ERC1: variants seen among roughly 807,000 people sequenced by gnomAD.
ERC1 encodes ELKS/RAB6-interacting/CAST family member 1.
In ERC1, 56 loss-of-function variants were observed where a neutral mutation model predicts 132.0. That is an observed-to-expected ratio of 0.42 (90% CI 0.34 to 0.53). The LOEUF is 0.53. Ranked by LOEUF, ERC1 falls within the 20% of genes least tolerant of loss-of-function variation. The probability of loss-of-function intolerance (pLI) is 0.03; values close to 1 mark genes in which losing one functional copy is unlikely to be tolerated. For missense variants in ERC1, 1,202 were observed against 1,349.9 expected, an observed-to-expected ratio of 0.89 and a Z score of 1.72; for synonymous variants, 478 against 476.1, an observed-to-expected ratio of 1.00 and a Z score of -0.05.
At chr12:1,279,243 T>C (rs549247364) in intron 14 of ERC1, among the ~76,000 whole-genome samples, 68 of 152,306 alleles carry the variant, frequency 4.5e-4, no homozygotes, top group Middle Eastern at 3.4e-3. Context: ...ATGGGGTCAG[T>C]AGATAACTAC....
chr12:1,426,267 G>A (rs751643609), intron 17 of ERC1, among the ~76,000 whole-genome samples: 54 of 151,870 alleles, frequency 3.6e-4, no homozygotes, highest in Non-Finnish European at 3.7e-4. Context: ...CACCACACCC[G>A]TCTAGTTTTG....
At chr12:1,473,095 A>C (rs982914032) in intron 18 of ERC1, among the ~76,000 whole-genome samples, 3 of 152,148 alleles carry the variant, frequency 2.0e-5, no homozygotes, top group African/African-American at 7.2e-5. Context: ...GTGCGATCTC[A>C]GCTCACTGCA....
chr12:1,048,289 A>G (rs1306545194), intron 2 of ERC1, among the ~76,000 whole-genome samples: 2 of 152,010 alleles, frequency 1.3e-5, no homozygotes, highest in African/African-American at 4.8e-5. Context: ...TAATTTTGAA[A>G]CCTATCGTTC....
chr12:1,025,612 C>G (rs1966850477), intron 1 of ERC1, among the ~76,000 whole-genome samples: 1 of 152,016 alleles, frequency 6.6e-6, no homozygotes, highest in Admixed American at 6.6e-5. Context: ...AAATTTATAT[C>G]TTTAATGTAT....
intron 18 of ERC1, among the ~76,000 whole-genome samples, chr12:1,451,792 A>G (rs559787776): frequency 6.6e-6 from 1 of 152,072 alleles, no homozygotes; most frequent in Non-Finnish European, 1.5e-5. Context: ...CAAAATTCCT[A>G]TGTTGAAGTC....
Position 1,490,249 on chromosome 12 carries a change from C to G in ERC1, c.*19C>G, listed in dbSNP as rs761224968. The G allele has an allele frequency of 5.6e-6, 9 of 1,610,498 alleles. No homozygotes were observed. The highest frequency in any genetic ancestry group is 1.3e-5 in the African/African-American group (1 of 74,842). On this transcript the variant is annotated 3_prime_UTR_variant, in exon 19 of 19. Coordinates refer to ENST00000360905, the MANE Select transcript of ERC1 (RefSeq NM_178040.4). ...CTCTTGACCCTGCTTTATGGGGAAGCCTGAGGTAGTCAACCCAGGAGCCAA... is the reference window on the plus strand; with the variant it reads ...CTCTTGACCCTGCTTTATGGGGAAGGCTGAGGTAGTCAACCCAGGAGCCAA...
At chr12:1,073,517 C>T (rs143905130) in intron 2 of ERC1, among the ~76,000 whole-genome samples, 3 of 146,802 alleles carry the variant, frequency 2.0e-5, no homozygotes, top group Non-Finnish European at 3.0e-5. Context: ...GGGGTGGTGG[C>T]GTACACCTGT....
At chr12:1,235,774 A>T (rs2075372722) in intron 12 of ERC1, among the ~76,000 whole-genome samples, 1 of 152,196 alleles carries the variant, frequency 6.6e-6, no homozygotes, top group Non-Finnish European at 1.5e-5. Flanking sequence ...AAATAAAATA[A>T]AATAAGGTGT....
chr12:1,383,456 T>C (rs1457438524), intron 16 of ERC1, among the ~76,000 whole-genome samples: 2 of 152,224 alleles, frequency 1.3e-5, no homozygotes, highest in Non-Finnish European at 2.9e-5. Flanking sequence ...TTTGAACTAA[T>C]GTAGATACTC....
At chr12:1,422,000 T>C (rs553449638) in intron 17 of ERC1, among the ~76,000 whole-genome samples, 1 of 152,350 alleles carries the variant, frequency 6.6e-6, no homozygotes, top group East Asian at 1.9e-4. Context: ...CACTCCAGCC[T>C]GGCAAAATAA....
At chr12:1,111,359 G>T (rs1483764017) in intron 5 of ERC1, among the ~76,000 whole-genome samples, 2 of 152,170 alleles carry the variant, frequency 1.3e-5, no homozygotes, top group Non-Finnish European at 2.9e-5. Flanking sequence ...GTTTAAGCCA[G>T]AAAATAAGTG....
At chr12:1,110,040 C>CA (rs372936716) in intron 4 of ERC1, 152 bp from the exon 5 acceptor site, 3 of 638,022 alleles carry the variant, frequency 4.7e-6, no homozygotes, top group Admixed American at 3.4e-5. Context: ...GACTCTGTCT[C>CA]AAAAAAAGGA....
intron 4 of ERC1, among the ~76,000 whole-genome samples, chr12:1,109,157 T>C (rs1945575069): frequency 6.6e-6 from 1 of 152,142 alleles, no homozygotes; most frequent in Admixed American, 6.5e-5. Context: ...ATTCATGACA[T>C]GTAAAGTAGC....
intron 1 of ERC1, among the ~76,000 whole-genome samples, chr12:1,011,064 C>T (rs528486798): frequency 6.6e-6 from 1 of 152,064 alleles, no homozygotes; most frequent in Admixed American, 6.6e-5. Flanking sequence ...TTTATATGTG[C>T]CAACTGCATT....
rs563989654 is a variant in ERC1 at position 1,427,872 on chromosome 12, A to T, written c.3025-16690A>T. Among the ~76,000 whole-genome samples the T allele has an allele frequency of 3.3e-5, 5 of 152,338 alleles. No homozygotes were observed. In the South Asian group the frequency reaches 6.2e-4, roughly 19 times the overall value. On this transcript the variant is annotated intron_variant, in intron 17 of 18. Transcript: ENST00000360905. The stretch of plus-strand genomic sequence containing the variant: ...GGTGACATTGAGGCAGAGACCTCTT[A>T]GGCTACATGAGTGCATTGTAAGTAA...
chr12:1,453,429 C>T (rs796264026), intron 18 of ERC1, among the ~76,000 whole-genome samples: 11 of 152,326 alleles, frequency 7.2e-5, no homozygotes, highest in African/African-American at 2.4e-4. Context: ...CCCAGAAGCA[C>T]ACAGCTTTTC....
At chr12:1,364,041 C>A (rs549795010) in intron 15 of ERC1, among the ~76,000 whole-genome samples, 1 of 152,210 alleles carries the variant, frequency 6.6e-6, no homozygotes, top group East Asian at 1.9e-4. Flanking sequence ...CTGAAATAGT[C>A]TGTATTTGGT....
intron 7 of ERC1, among the ~76,000 whole-genome samples, chr12:1,116,786 T>G (rs1471145701): frequency 6.6e-6 from 1 of 152,140 alleles, no homozygotes; most frequent in African/African-American, 2.4e-5. Flanking sequence ...TTTCACCATA[T>G]TGGCCAGGCT....
intron 1 of ERC1, among the ~76,000 whole-genome samples, chr12:1,021,894 A>G: frequency 6.6e-6 from 1 of 152,156 alleles, no homozygotes; most frequent in East Asian, 1.9e-4. Context: ...TTGACCCAGG[A>G]GACTCATGTA....
Sources: allele counts gnomAD v4.1 joint callset (sites outside exome capture counted in the v4.1 genomes callset), GRCh38; gene constraint gnomAD v4.1.1; transcripts MANE v1.5; gene names NCBI Gene and HGNC (gene_info 2026-07-23, HGNC 2026-07-21).